SGCZ: variants seen among roughly 807,000 people sequenced by gnomAD.
SGCZ encodes sarcoglycan zeta.
In SGCZ, 40 loss-of-function variants were observed where a neutral mutation model predicts 41.3. The observed-to-expected ratio is 0.97, with a 90% CI of 0.75 to 1.26. The LOEUF (loss-of-function observed/expected upper bound fraction) is 1.26. Among genes scored for constraint, SGCZ ranks in the 50% most tolerant of loss-of-function variants. SGCZ has a pLI of 0.00. For synonymous variants in SGCZ, 206 were observed against 137.5 expected (o/e 1.50, Z -3.49); for missense variants, 552 against 369.8 (o/e 1.49, Z -4.04).
At chr8:14,285,800 A>G (rs1222956020) in intron 3 of SGCZ, among the ~76,000 whole-genome samples, 1 of 152,118 alleles carries the variant, frequency 6.6e-6, no homozygotes, top group Admixed American at 6.6e-5. Flanking sequence ...TTCTCTATCA[A>G]TATCAGTAAA....
At chr8:15,068,795 G>A (rs1364877580) in intron 1 of SGCZ, among the ~76,000 whole-genome samples, 1 of 152,088 alleles carries the variant, frequency 6.6e-6, no homozygotes, top group African/African-American at 2.4e-5. Flanking sequence ...TTTAAAAAAT[G>A]TCCTCAGCAA....
intron 1 of SGCZ, among the ~76,000 whole-genome samples, chr8:15,045,059 C>T (rs762034882): frequency 6.6e-6 from 1 of 151,788 alleles, no homozygotes; most frequent in Admixed American, 6.6e-5. Flanking sequence ...GCCATGTACA[C>T]AGGAAATCTC....
chr8:14,163,141 G>A (rs1360777850), intron 5 of SGCZ, among the ~76,000 whole-genome samples: 4 of 152,162 alleles, frequency 2.6e-5, no homozygotes, highest in African/African-American at 9.7e-5. Context: ...GGGATTATAG[G>A]CATGAGCCAC....
intron 1 of SGCZ, among the ~76,000 whole-genome samples, chr8:14,860,876 C>G (rs1016434479): frequency 5.9e-5 from 9 of 152,124 alleles, no homozygotes; most frequent in African/African-American, 2.2e-4. Context: ...CCAATGTTTC[C>G]ATTTTAAAAT....
At position 14,669,185 on chromosome 8, in the gene SGCZ, C is replaced by A. The variant is rs187892095; in HGVS notation, c.40-114259G>T. 7.5e-3 allele frequency among the ~76,000 whole-genome samples: 873 copies of A among 116,924 alleles called. 5 individuals carry two copies. The highest frequency in any genetic ancestry group is 0.017 in the Admixed American group (171 of 10,330). The allele number at this position is 116,924 out of a possible 152,430, so 76.7% of individuals were successfully genotyped here. A position where few individuals can be genotyped will look rare whatever the true frequency, so the allele number is the denominator to read the frequency against. ...CCTCGTCTCTACAAACACACACACA[C>A]ACACTACAAATATATATATATATAT... On this transcript the variant is annotated intron_variant, in intron 1 of 7. Transcript: ENST00000382080.
intron 1 of SGCZ, among the ~76,000 whole-genome samples, chr8:14,688,762 G>A (rs925431828): frequency 6.6e-6 from 1 of 151,988 alleles, no homozygotes; most frequent in Non-Finnish European, 1.5e-5. Flanking sequence ...GTTCTGGCCA[G>A]GGCAATCAGG....
intron 1 of SGCZ, among the ~76,000 whole-genome samples, chr8:15,082,637 T>A (rs1378033): frequency 3.3e-5 from 5 of 152,098 alleles, no homozygotes; most frequent in African/African-American, 7.2e-5. Flanking sequence ...GCATGGCAGG[T>A]TGAACTGGAA....
At chr8:14,832,639 G>T (rs563581695) in intron 1 of SGCZ, among the ~76,000 whole-genome samples, 1 of 152,130 alleles carries the variant, frequency 6.6e-6, no homozygotes, top group Non-Finnish European at 1.5e-5. Context: ...ACATGAAAGG[G>T]TGTCTGCAGT....
chr8:14,479,175 A>G (rs1047611492), intron 2 of SGCZ, among the ~76,000 whole-genome samples: 1 of 152,214 alleles, frequency 6.6e-6, no homozygotes, highest in African/African-American at 2.4e-5. Context: ...CAAAACCTCA[A>G]AAGTAGTGAA....
intron 5 of SGCZ, among the ~76,000 whole-genome samples, chr8:14,133,204 C>T (rs1475894914): frequency 2.6e-5 from 4 of 152,180 alleles, no homozygotes; most frequent in Admixed American, 1.3e-4. Flanking sequence ...ATATGTGCAG[C>T]TTTCTCAATC....
At chr8:14,808,976 A>G (rs1343264067) in intron 1 of SGCZ, among the ~76,000 whole-genome samples, 2 of 151,358 alleles carry the variant, frequency 1.3e-5, no homozygotes, top group Non-Finnish European at 2.9e-5. Flanking sequence ...AAACTATCGC[A>G]AGAACAAAAA....
chr8:14,712,556 G>T (rs73527602), intron 1 of SGCZ, among the ~76,000 whole-genome samples: 6,454 of 152,100 alleles, frequency 0.042, 455 homozygotes, highest in African/African-American at 0.15. Context: ...TAATTCTTTT[G>T]GGGGGAGACA....
chr8:14,748,035 T>C (rs115805983), intron 1 of SGCZ, among the ~76,000 whole-genome samples: 3 of 152,026 alleles, frequency 2.0e-5, no homozygotes, highest in Admixed American at 6.6e-5. Context: ...AAATGAAAAC[T>C]AATGACAAAG....
chr8:14,348,199 C>T (rs1298680756), intron 2 of SGCZ, among the ~76,000 whole-genome samples: 3 of 152,096 alleles, frequency 2.0e-5, no homozygotes, highest in Non-Finnish European at 2.9e-5. Context: ...GACATGCAGA[C>T]CTTTATCCTG....
At chr8:14,927,773 T>G (rs914887657) in intron 1 of SGCZ, among the ~76,000 whole-genome samples, 1 of 152,210 alleles carries the variant, frequency 6.6e-6, no homozygotes, top group African/African-American at 2.4e-5. Flanking sequence ...TGACTCGGCA[T>G]GGTCTTGCCT....
chr8:14,497,438 G>C (rs191145496), intron 2 of SGCZ, among the ~76,000 whole-genome samples: 1 of 152,246 alleles, frequency 6.6e-6, no homozygotes, highest in East Asian at 1.9e-4. Context: ...AATCAAGCTT[G>C]TTTGACTCAC....
chr8:14,470,091 G>C lies in SGCZ; in HGVS notation c.234+84641C>G, dbSNP rs531607860. On this transcript the variant is annotated intron_variant, in intron 2 of 7. Coordinates refer to ENST00000382080, the MANE Select transcript of SGCZ (RefSeq NM_139167.4). The stretch of plus-strand genomic sequence containing the variant: ...GAAGCAGTGCAGTCTTGAAGACTGA[G>C]CACTCAATCTGTGAGGTCTGATGCT... Among the ~76,000 whole-genome samples, 64 of 152,160 alleles carry C rather than the reference G, an allele frequency of 4.2e-4. 1 individual carries two copies. Among genetic ancestry groups the C allele is most frequent in the African/African-American group, 1.5e-3 (61 of 41,508 alleles).
intron 1 of SGCZ, among the ~76,000 whole-genome samples, chr8:15,041,755 T>TTTTTTTTTTTTTTTTTTTTTTTTTTTGAG (rs1554545238): frequency 3.0e-4 from 46 of 152,078 alleles, no homozygotes; most frequent in Non-Finnish European, 5.6e-4. Context: ...AAAGACTTTT[T>TTTTTTTTTTTTTTTTTTTTTTTTTTTGAG]AATTCTTATA....
chr8:14,952,287 C>T (rs1383411), intron 1 of SGCZ, among the ~76,000 whole-genome samples: 110,476 of 151,976 alleles, frequency 0.73, 40,417 homozygotes, highest in South Asian at 0.8. Flanking sequence ...CTGGCTTTGG[C>T]TTATTTTAAA....
Sources: allele counts gnomAD v4.1 joint callset (sites outside exome capture counted in the v4.1 genomes callset), GRCh38; gene constraint gnomAD v4.1.1; transcripts MANE v1.5; gene names NCBI Gene and HGNC (gene_info 2026-07-23, HGNC 2026-07-21).